Variants in TMEM132D observed in about 807,000 individuals in gnomAD.
The protein encoded by TMEM132D is mature OL transmembrane protein.
In TMEM132D, 21 loss-of-function variants were observed where a neutral mutation model predicts 62.3. That is an observed-to-expected ratio of 0.34 (90% confidence interval 0.24 to 0.49). The LOEUF is 0.49. Ranked by LOEUF, TMEM132D falls within the 20% of genes least tolerant of loss-of-function variation. TMEM132D has a pLI of 0.99. For missense variants in TMEM132D, 1,346 were observed against 1,402.8 expected, an observed-to-expected ratio of 0.96 and a Z score of 0.65; for synonymous variants, 621 against 575.6, an observed-to-expected ratio of 1.08 and a Z score of -1.13.
At chr12:129,899,506 A>T (rs566658665) in intron 1 of TMEM132D, among the ~76,000 whole-genome samples, 3 of 152,206 alleles carry the variant, frequency 2.0e-5, no homozygotes, top group African/African-American at 7.2e-5. Flanking sequence ...GGATGGACGG[A>T]TGAATGAACG....
chr12:129,615,550 G>A (rs988363619), intron 2 of TMEM132D, among the ~76,000 whole-genome samples: 1 of 149,440 alleles, frequency 6.7e-6, no homozygotes, highest in Non-Finnish European at 1.5e-5. Context: ...CAGGAGTTTG[G>A]GATCAGCATG....
At chr12:129,364,761 A>G (rs1456040769) in intron 3 of TMEM132D, among the ~76,000 whole-genome samples, 3 of 152,174 alleles carry the variant, frequency 2.0e-5, no homozygotes, top group Non-Finnish European at 4.4e-5. Context: ...AAGCTGCTGG[A>G]ATGACCACAA....
chr12:129,398,037 G>T (rs984347739), intron 3 of TMEM132D, among the ~76,000 whole-genome samples: 1 of 152,176 alleles, frequency 6.6e-6, no homozygotes, highest in African/African-American at 2.4e-5. Context: ...ACCCCATGTT[G>T]CTTTTATGCC....
chr12:129,224,355 ACTT>A (rs1879425112), intron 4 of TMEM132D, among the ~76,000 whole-genome samples: 1 of 152,202 alleles, frequency 6.6e-6, no homozygotes, highest in Non-Finnish European at 1.5e-5. Context: ...ATAGATCAGG[ACTT>A]CTTTTTACTT....
intron 3 of TMEM132D, among the ~76,000 whole-genome samples, chr12:129,397,937 C>T (rs1419992971): frequency 1.3e-5 from 2 of 152,128 alleles, no homozygotes; most frequent in East Asian, 3.9e-4. Flanking sequence ...TCTTTGGGGC[C>T]AAAACCTCTC....
chr12:129,348,627 T>G (rs1869765645), intron 3 of TMEM132D, among the ~76,000 whole-genome samples: 1 of 152,108 alleles, frequency 6.6e-6, no homozygotes, highest in Non-Finnish European at 1.5e-5. Flanking sequence ...ACCTAGATGA[T>G]GGGTTGATGG....
rs190307743 is a variant in TMEM132D, at chr12:129,596,823, G to A, written c.969-65618C>T. Among the ~76,000 whole-genome samples the A allele has an allele frequency of 5.2e-3, 787 of 150,172 alleles. 10 individuals carry two copies. Among genetic ancestry groups the A allele is most frequent in the South Asian group, 0.024 (114 of 4,712 alleles). On this transcript the variant is annotated intron_variant, in intron 2 of 8. Transcript: ENST00000422113. ...GTACCCATCACCCCATCCACCCCCC[G>A]CCAATAAAGCCCTTCTAAATATAGG...
intron 1 of TMEM132D, among the ~76,000 whole-genome samples, chr12:129,819,225 CTA>C (rs777738748): frequency 0.099 from 14,997 of 151,810 alleles, 849 homozygotes; most frequent in East Asian, 0.17. Flanking sequence ...TCCCTTCTAC[CTA>C]CCCCACAGTG....
intron 4 of TMEM132D, among the ~76,000 whole-genome samples, chr12:129,267,574 T>A (rs59570759): frequency 1.3e-5 from 2 of 152,116 alleles, no homozygotes; most frequent in Non-Finnish European, 2.9e-5. Flanking sequence ...TCATGGATAG[T>A]AAGAATCAAT....
chr12:129,422,393 T>C (rs371350577), intron 3 of TMEM132D, among the ~76,000 whole-genome samples: 1 of 152,160 alleles, frequency 6.6e-6, no homozygotes, highest in East Asian at 1.9e-4. Flanking sequence ...TAGCAGAGGA[T>C]GTCAATGGGC....
At chr12:129,784,271 AGCT>A (rs1871198857) in intron 1 of TMEM132D, among the ~76,000 whole-genome samples, 3 of 152,364 alleles carry the variant, frequency 2.0e-5, no homozygotes, top group African/African-American at 7.2e-5. Context: ...GAGTGGAGGA[AGCT>A]CATTCCAGGA....
At chr12:129,611,375 A>T (rs975581492) in intron 2 of TMEM132D, among the ~76,000 whole-genome samples, 3 of 152,186 alleles carry the variant, frequency 2.0e-5, no homozygotes, top group Non-Finnish European at 2.9e-5. Context: ...GAATTCCCTT[A>T]TCTGTAAATG....
intron 5 of TMEM132D, among the ~76,000 whole-genome samples, chr12:129,184,461 G>C (rs918816803): frequency 1.3e-5 from 2 of 152,172 alleles, no homozygotes; most frequent in Admixed American, 6.5e-5. Context: ...TTGATTTCTG[G>C]GCCGTCTGGC....
chr12:129,530,452 G>A (rs1876183541), intron 3 of TMEM132D, among the ~76,000 whole-genome samples: 1 of 152,278 alleles, frequency 6.6e-6, no homozygotes, highest in South Asian at 2.1e-4. Flanking sequence ...GAACTACTGA[G>A]TTTCCGAGCC....
chr12:129,228,889 T>C (rs1456783531), intron 4 of TMEM132D, among the ~76,000 whole-genome samples: 2 of 152,242 alleles, frequency 1.3e-5, no homozygotes, highest in Non-Finnish European at 2.9e-5. Context: ...CATTTGAAAA[T>C]GAGAATATCT....
chr12:129,206,980 G>T (rs1384282705), intron 5 of TMEM132D, among the ~76,000 whole-genome samples: 1 of 152,118 alleles, frequency 6.6e-6, no homozygotes, highest in African/African-American at 2.4e-5. Context: ...GAGGATCAGA[G>T]AAAAATACCT....
intron 2 of TMEM132D, among the ~76,000 whole-genome samples, chr12:129,633,130 G>A (rs558703354): frequency 3.5e-4 from 54 of 152,200 alleles, no homozygotes; most frequent in African/African-American, 1.1e-3. Flanking sequence ...CTTTACCGTC[G>A]CATTACAGAC....
intron 4 of TMEM132D, among the ~76,000 whole-genome samples, chr12:129,287,715 A>G (rs1392661429): frequency 7.1e-6 from 1 of 140,538 alleles, no homozygotes; most frequent in African/African-American, 2.6e-5. Context: ...AGAACTGCCC[A>G]GCAAAACTTT....
chr12:129,899,414 G>C (rs1875271904), intron 1 of TMEM132D, among the ~76,000 whole-genome samples: 1 of 148,700 alleles, frequency 6.7e-6, no homozygotes, highest in Admixed American at 6.6e-5. Context: ...TGCATGGATG[G>C]ATGGATGGAT....
Sources: allele counts gnomAD v4.1 joint callset (sites outside exome capture counted in the v4.1 genomes callset), GRCh38; gene constraint gnomAD v4.1.1; transcripts MANE v1.5; gene names NCBI Gene and HGNC (gene_info 2026-07-23, HGNC 2026-07-21).